MYPOP: variants seen among roughly 807,000 people sequenced by gnomAD.
MYPOP encodes myb-related transcription factor, partner of profilin.
Under a neutral mutation model 25.7 loss-of-function variants are expected in MYPOP, and 21 were observed. The observed-to-expected ratio is 0.82, with a 90% CI of 0.58 to 1.18. The LOEUF (loss-of-function observed/expected upper bound fraction) is 1.18, where lower values mean the gene tolerates loss of function less well. Among genes scored for constraint, MYPOP ranks in the 50% most tolerant of loss-of-function variants. MYPOP has a pLI of 0.00. For missense variants in MYPOP, 566 were observed against 588.3 expected (o/e 0.96, Z 0.39); for synonymous variants, 280 against 247.9 (o/e 1.13, Z -1.22).
chr19:45,890,278 T>C lies in MYPOP; in HGVS notation c.*345A>G. On this transcript the variant is annotated 3_prime_UTR_variant, in exon 3 of 3. Coordinates refer to ENST00000322217, the MANE Select transcript of MYPOP (RefSeq NM_001012643.4). ...GGGAGTCCCCCACGGGTCAATTCTC[T>C]TCAAGTCAAGAACAGGAACTGTTAG... is the stretch of plus-strand genomic sequence containing the variant. 4.5e-6 allele frequency: 1 copy of C among 224,694 alleles called. No individual in the cohort carries two copies. Among genetic ancestry groups the C allele is most frequent in the Non-Finnish European group, 8.7e-6 (1 of 114,454 alleles). 13.9% of individuals were successfully genotyped at this position (224,694 alleles called of 1,614,324 possible). A position where few individuals can be genotyped will look rare whatever the true frequency, so the allele number is the denominator to read the frequency against.
Position 45,890,503 on chromosome 19 carries a change from G to A in MYPOP, c.*120C>T. ...CAGGCACTAACTAGCACAGGGAGTG[G>A]GTGCTCACATCCCTGGAGCAGGGAG... is the stretch of plus-strand genomic sequence containing the variant. On this transcript the variant is annotated 3_prime_UTR_variant, in exon 3 of 3. Transcript: ENST00000322217. The A allele has an allele frequency of 2.0e-6, 3 of 1,480,188 alleles. No individual in the cohort carries two copies. The highest frequency in any genetic ancestry group is 1.8e-6 in the Non-Finnish European group (2 of 1,111,044). 91.7% of individuals were successfully genotyped at this position (1,480,188 alleles called of 1,614,324 possible).
intron 2 of MYPOP, among the ~76,000 whole-genome samples, chr19:45,893,697 G>C (rs1041091497): frequency 6.6e-6 from 1 of 151,910 alleles, no homozygotes; most frequent in Non-Finnish European, 1.5e-5. Context: ...TCTTTCTGGA[G>C]TGATGAAAAT....
Position 45,890,708 on chromosome 19 carries a change from G to A in MYPOP, c.1115C>T (p.Pro372Leu), listed in dbSNP as rs374179598. ...EEGAPRPPPAPLPPHDSPPHK... is the reference protein window; with the variant it reads ...EEGAPRPPPALLPPHDSPPHK... Reference sequence around the variant, plus strand: ...TGGGGGGGAGTCGTGCGGAGGGAGCGGGGCTGGGGGGGGCCGGGGTGCCCC... The same window carrying A: ...TGGGGGGGAGTCGTGCGGAGGGAGCAGGGCTGGGGGGGGCCGGGGTGCCCC... The change falls in exon 3 of 3, where the codon CCG becomes CTG. Residue 372 changes from proline (P) to leucine (L), a missense_variant. Pro to Leu is a moderately conservative substitution (Grantham distance 98). Coordinates refer to ENST00000322217, the MANE Select transcript of MYPOP (RefSeq NM_001012643.4). 3.1e-5 allele frequency: 49 copies of A among 1,574,892 alleles called. 1 individual carries two copies. In the African/African-American group the frequency reaches 3.8e-4, roughly 12 times the overall value.
At chr19:45,892,833 C>G (rs1967145062) in intron 2 of MYPOP, among the ~76,000 whole-genome samples, 1 of 152,298 alleles carries the variant, frequency 6.6e-6, no homozygotes, top group Non-Finnish European at 1.5e-5. Flanking sequence ...CCTGAGGGCT[C>G]TCTGCTTCCA....
intron 2 of MYPOP, among the ~76,000 whole-genome samples, chr19:45,891,870 T>C (rs1600564680): frequency 6.6e-6 from 1 of 152,308 alleles, no homozygotes; most frequent in East Asian, 1.9e-4. Context: ...AGTCCCTTGC[T>C]AGGCCAGGCA....
At chr19:45,892,182 A>G (rs985921763) in intron 2 of MYPOP, among the ~76,000 whole-genome samples, 8 of 152,184 alleles carry the variant, frequency 5.3e-5, no homozygotes, top group African/African-American at 1.7e-4. Context: ...CGGCCTCCCA[A>G]AGTTCTGGGA....
intron 2 of MYPOP, among the ~76,000 whole-genome samples, chr19:45,898,485 G>T (rs537315832): frequency 6.6e-6 from 1 of 151,560 alleles, no homozygotes; most frequent in African/African-American, 2.4e-5. Context: ...CACCACGCGT[G>T]GCTAATTTTG....
At position 45,901,552 on chromosome 19, in the gene MYPOP, C is replaced by T; in HGVS notation, c.222G>A (p.Gln74=). 1.9e-6 allele frequency: 3 copies of T among 1,612,300 alleles called. No individual in the cohort carries two copies. Among genetic ancestry groups the T allele is most frequent in the Non-Finnish European group, 2.5e-6 (3 of 1,179,656 alleles). The change falls in exon 2 of 3, where the codon CAG becomes CAA. Residue 74 remains glutamine (Q), a synonymous_variant. Transcript: ENST00000322217. The surrounding 1 kb of genome is among the most constrained non-coding windows in gnomAD (Gnocchi z 5.7). ...AGTCGTTCCAGCGCTTCTGCACCTC[C>T]TGGCCCGTGCGCTTCCAGCTGGTGA... The part of the protein sequence containing the change: ...NGITSWKRTG[Q]EVQKRWNDFK...
intron 2 of MYPOP, 147 bp from the exon 3 acceptor site, chr19:45,891,470 T>TGACAGACCAAGA: frequency 1.0e-6 from 1 of 971,978 alleles, no homozygotes; most frequent in Non-Finnish European, 1.4e-6. Flanking sequence ...ACAGTCTTGG[T>TGACAGACCAAGA]CTGTCACCCA....
At position 45,891,242 on chromosome 19, in the gene MYPOP, C is replaced by G. The variant is rs757046879; in HGVS notation, c.581G>C (p.Cys194Ser). ...TGACTCACGCTCCTTGGGCCGTGGG[C>G]AGCCCCCTTCCTGGGGAGTGCAGGA... ...RPSCTPQEGG[C>S]PRPKERESPP... Residue 194 changes from cysteine (C) to serine (S), a missense_variant, in exon 3 of 3, where the codon TGC (cysteine) becomes TCC (serine). Transcript: ENST00000322217. 1.3e-6 allele frequency: 2 copies of G among 1,546,500 alleles called. No individual in the cohort carries two copies. The highest frequency in any genetic ancestry group is 2.4e-5 in the South Asian group (2 of 83,958).
Position 45,890,584 on chromosome 19 carries a change from G to A in MYPOP, c.*39C>T, listed in dbSNP as rs781270225. 5 of 1,606,228 alleles carry A rather than the reference G, an allele frequency of 3.1e-6. No individual in the cohort carries two copies. Among genetic ancestry groups the A allele is most frequent in the Admixed American group, 3.4e-5 (2 of 59,476 alleles). ...TCGCCCCCCTCGACTGCGCCAAGCT[G>A]GGGAGAGGGGTTGCAGGCAGGATCA... is the stretch of plus-strand genomic sequence containing the variant. On this transcript the variant is annotated 3_prime_UTR_variant, in exon 3 of 3. Coordinates refer to ENST00000322217, the MANE Select transcript of MYPOP (RefSeq NM_001012643.4).
Position 45,901,382 on chromosome 19 carries a change from GCACCTGCCCCCGGCGCCGCCA to G in MYPOP, c.371_391del (p.Val124_Gly130del), listed in dbSNP as rs1485658033. ...GGCCGCAGGGGGCTCCTCCGCCCCA[GCACCTGCCCCCGGCGCCGCCA>G]CACCTGGCCCCAGGATGGCAAAAAT... On this transcript the variant is annotated inframe_deletion, in exon 2 of 3. Coordinates refer to ENST00000322217, the MANE Select transcript of MYPOP (RefSeq NM_001012643.4). The surrounding 1 kb of genome is among the most constrained non-coding windows in gnomAD (Gnocchi z 5.7). The G allele has an allele frequency of 6.6e-7, 1 of 1,504,532 alleles. No homozygotes were observed. Among genetic ancestry groups the G allele is most frequent in the African/African-American group, 1.4e-5 (1 of 70,858 alleles). The allele number at this position is 1,504,532 out of a possible 1,614,324, so 93.2% of individuals were successfully genotyped here. A position where few individuals can be genotyped will look rare whatever the true frequency, so the allele number is the denominator to read the frequency against.
chr19:45,901,845 G>C lies in MYPOP; in HGVS notation c.-52-20C>G. The C allele has an allele frequency of 8.4e-7, 1 of 1,192,486 alleles. No homozygotes were observed. Among genetic ancestry groups the C allele is most frequent in the Non-Finnish European group, 1.1e-6 (1 of 940,782 alleles). 73.9% of individuals were successfully genotyped at this position (1,192,486 alleles called of 1,614,324 possible). ...CCGGCGCTGCGGGCAAAGGGCGCAC[G>C]GGGCTGGCTGGGGTTCGGGGTCCCC... On this transcript the variant is annotated intron_variant, in intron 1 of 2. Transcript: ENST00000322217. The surrounding 1 kb of genome is among the most constrained non-coding windows in gnomAD (Gnocchi z 5.7).
rs765524052 is a variant in MYPOP at position 45,890,574 on chromosome 19, G to GC, written c.*48dup. The GC allele has an allele frequency of 3.1e-6, 5 of 1,599,986 alleles. No homozygotes were observed. The highest frequency in any genetic ancestry group is 3.4e-6 in the Non-Finnish European group (4 of 1,172,192). On this transcript the variant is annotated 3_prime_UTR_variant, in exon 3 of 3. Transcript: ENST00000322217. ...GCAGAGAGCATCGCCCCCCTCGACT[G>GC]CGCCAAGCTGGGGAGAGGGGTTGCA...
chr19:45,891,754 A>T (rs1600564587), intron 2 of MYPOP, among the ~76,000 whole-genome samples: 1 of 151,362 alleles, frequency 6.6e-6, no homozygotes, highest in African/African-American at 2.4e-5. Context: ...TGATCCTTTT[A>T]AAACCTAAGT....
chr19:45,901,910 T>A lies in MYPOP; in HGVS notation c.-52-85A>T. The A allele has an allele frequency of 1.5e-6, 1 of 677,854 alleles. No individual in the cohort carries two copies. The highest frequency in any genetic ancestry group is 2.0e-6 in the Non-Finnish European group (1 of 487,922). The allele number at this position is 677,854 out of a possible 1,614,324, so 42.0% of individuals were successfully genotyped here. A position where few individuals can be genotyped will look rare whatever the true frequency, so the allele number is the denominator to read the frequency against. ...CCCAGACCGCCGGGCCGAGAGCTCC[T>A]TAGTCCCCGGGGGCAGGAGTGGGGG... On this transcript the variant is annotated intron_variant, in intron 1 of 2. Coordinates refer to ENST00000322217, the MANE Select transcript of MYPOP (RefSeq NM_001012643.4). This position sits in a 1 kb window ranked among gnomAD's most constrained non-coding sequence, Gnocchi z 5.7.
intron 2 of MYPOP, among the ~76,000 whole-genome samples, chr19:45,900,821 T>G (rs1319436181): frequency 6.6e-6 from 1 of 152,226 alleles, no homozygotes; most frequent in East Asian, 1.9e-4. Flanking sequence ...GAGGAGGTGC[T>G]GAACTAAGCA....
chr19:45,898,101 T>G (rs1327553262), intron 2 of MYPOP, among the ~76,000 whole-genome samples: 1 of 151,804 alleles, frequency 6.6e-6, no homozygotes, highest in Non-Finnish European at 1.5e-5. Flanking sequence ...TTTTTGTATT[T>G]TTTAGTAGAG....
intron 2 of MYPOP, among the ~76,000 whole-genome samples, chr19:45,897,974 A>T (rs992271873): frequency 6.7e-6 from 1 of 148,258 alleles, no homozygotes; most frequent in African/African-American, 2.5e-5. Context: ...CCCAGGCTGG[A>T]GTGCAGTGGC....
Sources: gnomAD v4.1 joint callset for allele counts (sites outside exome capture counted in the v4.1 genomes callset) on GRCh38, gnomAD v4.1.1 for gene constraint, Gnocchi (gnomAD v3.1) non-coding constraint, MANE v1.5 for transcripts, NCBI Gene and HGNC (gene_info 2026-07-23, HGNC 2026-07-21) for gene names.